The following TMEM132D variants were observed in gnomAD, a reference collection of about 807,000 sequenced individuals.
TMEM132D encodes the protein transmembrane protein 132D.
TMEM132D carries 21 observed loss-of-function variants against 62.3 expected under a neutral mutation model. The observed-to-expected ratio is 0.34, with a 90% confidence interval of 0.24 to 0.49. TMEM132D has a LOEUF of 0.49. TMEM132D is among the 20% of genes least tolerant of loss of function. The pLI, the probability that TMEM132D is intolerant of heterozygous loss-of-function variation, is 0.99. For missense variants in TMEM132D, 1,346 were observed against 1,402.8 expected (o/e 0.96, Z 0.65); for synonymous variants, 621 against 575.6 (o/e 1.08, Z -1.13).
intron 1 of TMEM132D, among the ~76,000 whole-genome samples, chr12:129,711,369 C>T (rs920028715): frequency 2.6e-5 from 4 of 152,156 alleles, no homozygotes; most frequent in East Asian, 1.9e-4. Flanking sequence ...CTCCCAGCAG[C>T]GCTATCAATC....
chr12:129,895,605 G>T (rs147162000), intron 1 of TMEM132D, among the ~76,000 whole-genome samples: 1 of 152,142 alleles, frequency 6.6e-6, no homozygotes, highest in Non-Finnish European at 1.5e-5. Flanking sequence ...AGCCATGCTC[G>T]GGCATGCTGC....
At chr12:129,078,458 G>A in intron 8 of TMEM132D, 76 bp downstream of exon 8, 1 of 1,466,668 alleles carries the variant, frequency 6.8e-7, no homozygotes, top group Non-Finnish European at 9.3e-7. Flanking sequence ...CGACCCGCCT[G>A]GCGTGGTGCC....
At chr12:129,517,633 A>G (rs1875721138) in intron 3 of TMEM132D, among the ~76,000 whole-genome samples, 1 of 152,190 alleles carries the variant, frequency 6.6e-6, no homozygotes, top group Non-Finnish European at 1.5e-5. Context: ...CTGATGTTAA[A>G]ATAGCACTGG....
chr12:129,226,956 T>A (rs1879496253), intron 4 of TMEM132D, among the ~76,000 whole-genome samples: 1 of 152,200 alleles, frequency 6.6e-6, no homozygotes, highest in African/African-American at 2.4e-5. Context: ...AAGCACTGCT[T>A]CGTTTTGCAT....
At chr12:129,166,330 G>A (rs113791808) in intron 5 of TMEM132D, among the ~76,000 whole-genome samples, 3,904 of 148,374 alleles carry the variant, frequency 0.026, 180 homozygotes, top group East Asian at 0.1. Flanking sequence ...CATATGTTTC[G>A]TCTCCGGCTA....
At chr12:129,783,485 G>T (rs1300255044) in intron 1 of TMEM132D, among the ~76,000 whole-genome samples, 1 of 152,164 alleles carries the variant, frequency 6.6e-6, no homozygotes, top group Non-Finnish European at 1.5e-5. Flanking sequence ...TGTTGGACTT[G>T]CCTCTTTCCT....
chr12:129,694,696 C>T (rs1881153214), intron 2 of TMEM132D, among the ~76,000 whole-genome samples: 1 of 152,196 alleles, frequency 6.6e-6, no homozygotes, highest in East Asian at 1.9e-4. Flanking sequence ...CTGTACATCA[C>T]TTTACTTTTT....
rs1471302845 is a variant in TMEM132D, at chr12:129,483,340, TTC to T, written c.1115+47717_1115+47718del. On this transcript the variant is annotated intron_variant, in intron 3 of 8. Coordinates refer to ENST00000422113, the MANE Select transcript of TMEM132D (RefSeq NM_133448.3). ...AGACGCTTGGGCCCCATCCCAGAAATTCTGTTTTAATTTGGATGAAGCTTACA... is the reference window on the plus strand; with the variant it reads ...AGACGCTTGGGCCCCATCCCAGAAATTGTTTTAATTTGGATGAAGCTTACA... Among the ~76,000 whole-genome samples, 3 of 152,134 alleles carry T rather than the reference TTC, an allele frequency of 2.0e-5. No homozygotes were observed. In the East Asian group the frequency reaches 5.8e-4, roughly 29 times the overall value.
At chr12:129,749,248 C>T (rs376914597) in intron 1 of TMEM132D, among the ~76,000 whole-genome samples, 7 of 152,140 alleles carry the variant, frequency 4.6e-5, no homozygotes, top group South Asian at 4.1e-4. Flanking sequence ...TCAGATAGAA[C>T]GTGGCAGAGC....
rs1446412519 is a variant in TMEM132D, at chr12:129,513,527, C to T, written c.1115+17532G>A. 5.3e-5 allele frequency among the ~76,000 whole-genome samples: 8 copies of T among 152,276 alleles called. No homozygotes were observed. In the South Asian group the frequency reaches 6.2e-4, roughly 12 times the overall value. ...TGAGACAGAGTCTCACTCTGTCGCCCGGGCTGGAGTGCAGTGGCGCGATCT... is the reference window on the plus strand; with the variant it reads ...TGAGACAGAGTCTCACTCTGTCGCCTGGGCTGGAGTGCAGTGGCGCGATCT... On this transcript the variant is annotated intron_variant, in intron 3 of 8. Transcript: ENST00000422113.
chr12:129,383,726 A>G (rs1344115925), intron 3 of TMEM132D, among the ~76,000 whole-genome samples: 1 of 152,232 alleles, frequency 6.6e-6, no homozygotes, highest in East Asian at 1.9e-4. Flanking sequence ...GGTGTGAGCC[A>G]CCATGCCTGG....
chr12:129,562,952 C>G (rs61943475), intron 2 of TMEM132D, among the ~76,000 whole-genome samples: 5,385 of 152,232 alleles, frequency 0.035, 151 homozygotes, highest in Non-Finnish European at 0.047. Context: ...AATTCTATTA[C>G]GGCACCTACC....
At chr12:129,760,285 G>A (rs1455484485) in intron 1 of TMEM132D, among the ~76,000 whole-genome samples, 1 of 144,554 alleles carries the variant, frequency 6.9e-6, no homozygotes. Flanking sequence ...TATGACTTAA[G>A]TCTTAGTGCA....
intron 2 of TMEM132D, among the ~76,000 whole-genome samples, chr12:129,568,625 T>A (rs1237709531): frequency 6.6e-6 from 1 of 152,250 alleles, no homozygotes; most frequent in Non-Finnish European, 1.5e-5. Flanking sequence ...AGAGTGTTTC[T>A]GAAACAAAGT....
rs777508987 is a variant in TMEM132D, at chr12:129,073,860, C to CTG, written c.*13_*14dup. 6.6e-7 allele frequency: 1 copy of CTG among 1,519,232 alleles called. No individual in the cohort carries two copies. Among genetic ancestry groups the CTG allele is most frequent in the African/African-American group, 1.4e-5 (1 of 71,850 alleles). The allele number at this position is 1,519,232 out of a possible 1,614,324, so 94.1% of individuals were successfully genotyped here. On this transcript the variant is annotated 3_prime_UTR_variant, in exon 9 of 9. Transcript: ENST00000422113. The stretch of plus-strand genomic sequence containing the variant: ...CTGAAAGGTGAGTGAGAACCAATGT[C>CTG]TGTGTGTGTCTGGCTTACACATTTT...
intron 1 of TMEM132D, among the ~76,000 whole-genome samples, chr12:129,756,827 T>C (rs1451296515): frequency 6.6e-6 from 1 of 152,254 alleles, no homozygotes; most frequent in Non-Finnish European, 1.5e-5. Flanking sequence ...CAACTGTCCA[T>C]GCCGCTCCAG....
intron 1 of TMEM132D, among the ~76,000 whole-genome samples, chr12:129,812,774 G>A (rs935872871): frequency 6.6e-6 from 1 of 151,634 alleles, no homozygotes; most frequent in Non-Finnish European, 1.5e-5. Flanking sequence ...CCGTTTGTGT[G>A]ATCCAACCAA....
chr12:129,457,070 C>T (rs1398766023), intron 3 of TMEM132D, among the ~76,000 whole-genome samples: 1 of 151,658 alleles, frequency 6.6e-6, no homozygotes, highest in East Asian at 2.0e-4. Flanking sequence ...TACCGTTTGA[C>T]CCAGCCATCC....
chr12:129,146,901 T>C (rs1196201833), intron 5 of TMEM132D, among the ~76,000 whole-genome samples: 2 of 152,118 alleles, frequency 1.3e-5, no homozygotes, highest in Middle Eastern at 3.2e-3. Context: ...GAGGGGAAAC[T>C]GAGGCTCAGA....
Sources: allele counts gnomAD v4.1 joint callset (sites outside exome capture counted in the v4.1 genomes callset), GRCh38; gene constraint gnomAD v4.1.1; transcripts MANE v1.5; gene names NCBI Gene and HGNC (gene_info 2026-07-23, HGNC 2026-07-21).